The following SLC44A1 variants were observed in gnomAD, a reference collection of about 807,000 sequenced individuals.
The protein encoded by SLC44A1 is choline transporter-like protein 1.
In SLC44A1, 26 loss-of-function variants were observed where a neutral mutation model predicts 79.3. That is an observed-to-expected ratio of 0.33 (90% confidence interval 0.24 to 0.46). SLC44A1 has a LOEUF of 0.46. SLC44A1 is among the 20% of genes least tolerant of loss of function. SLC44A1 has a pLI of 1.00. For synonymous variants in SLC44A1, 263 were observed against 286.2 expected (o/e 0.92, Z 0.82); for missense variants, 688 against 798.1 (o/e 0.86, Z 1.66).
In SLC44A1 at chr9:105,431,317, C is replaced by T. The variant is rs551531413; in HGVS notation, c.1951-6964C>T. Among the ~76,000 whole-genome samples the T allele has an allele frequency of 3.3e-5, 5 of 152,310 alleles. No homozygotes were observed. The South Asian group carries it at 1.0e-3, about 32-fold the overall frequency. On this transcript the variant is annotated intron_variant, in intron 15 of 15. Coordinates refer to the SLC44A1 transcript ENST00000374724. ...TTTGCATGTGGATATCCAGTTGTCC[C>T]ATTTGGACAACAACTATTTTTTTCC...
At position 105,363,015 on chromosome 9, in the gene SLC44A1, G is replaced by T. The variant is rs1564459464; in HGVS notation, c.1087+8G>T. 1 of 1,586,142 alleles carries T rather than the reference G, an allele frequency of 6.3e-7. No homozygotes were observed. The highest frequency in any genetic ancestry group is 1.8e-5 in the Admixed American group (1 of 55,764). ...TTTTTCTTGGCACTACCGGTAAGAA[G>T]ATAAGCTTCTTTCTCTTAGTGACAA... On this transcript the variant is annotated splice_region_variant and intron_variant, in intron 9 of 15. Transcript: ENST00000374720.
intron 15 of SLC44A1, among the ~76,000 whole-genome samples, chr9:105,422,268 C>A (rs1829262423): frequency 6.6e-6 from 1 of 150,594 alleles, no homozygotes; most frequent in Non-Finnish European, 1.5e-5. Context: ...GACCTTGGGC[C>A]TCCTGCTCCA....
intron 3 of SLC44A1, among the ~76,000 whole-genome samples, chr9:105,325,406 A>G (rs1016892070): frequency 6.6e-6 from 1 of 152,250 alleles, no homozygotes; most frequent in Admixed American, 6.5e-5. Context: ...AATACCTGCA[A>G]CTGGGTAATT....
chr9:105,304,776 GTTC>G (rs1340330929), intron 2 of SLC44A1, among the ~76,000 whole-genome samples: 1 of 151,858 alleles, frequency 6.6e-6, no homozygotes, highest in African/African-American at 2.4e-5. Flanking sequence ...CCTTGTCTGT[GTTC>G]TTTTCATTGT....
intron 1 of SLC44A1, among the ~76,000 whole-genome samples, chr9:105,246,658 T>C (rs1162099223): frequency 6.6e-6 from 1 of 152,178 alleles, no homozygotes; most frequent in African/African-American, 2.4e-5. Context: ...CAAAAAGGTG[T>C]TTTTCAGATT....
intron 10 of SLC44A1, among the ~76,000 whole-genome samples, chr9:105,365,052 T>G (rs1187595562): frequency 6.6e-6 from 1 of 152,220 alleles, no homozygotes; most frequent in Non-Finnish European, 1.5e-5. Context: ...ACAAGTCTTT[T>G]TAGTTTGTTT....
At chr9:105,401,883 G>A (rs182030897), downstream of SLC44A1, among the ~76,000 whole-genome samples, 4 of 152,296 alleles carry the variant, frequency 2.6e-5, no homozygotes, top group Admixed American at 1.3e-4. Flanking sequence ...AATGAGGGAC[G>A]CAGAGAGCAG....
rs1588762543 is a variant in SLC44A1, at chr9:105,309,096, A to AT, written c.127-628_127-627insT. ...AGAGCATGGCAGTGCTTCACGATGTAATTCTTTGACTTGTATACAGCTTTA... is the reference window on the plus strand; with the variant it reads ...AGAGCATGGCAGTGCTTCACGATGTATATTCTTTGACTTGTATACAGCTTTA... On this transcript the variant is annotated intron_variant, in intron 2 of 15. Coordinates refer to ENST00000374720, the MANE Select transcript of SLC44A1 (RefSeq NM_080546.5). Among the ~76,000 whole-genome samples, 3 of 152,328 alleles carry AT rather than the reference A, an allele frequency of 2.0e-5. No homozygotes were observed. In the East Asian group the frequency reaches 5.8e-4, roughly 29 times the overall value.
intron 2 of SLC44A1, among the ~76,000 whole-genome samples, chr9:105,307,194 T>C (rs1447443076): frequency 2.0e-5 from 3 of 152,200 alleles, no homozygotes; most frequent in Non-Finnish European, 4.4e-5. Flanking sequence ...AAATAGATGG[T>C]ATTACTCTGT....
intron 3 of SLC44A1, among the ~76,000 whole-genome samples, chr9:105,311,656 G>A (rs184206804): frequency 6.6e-6 from 1 of 152,314 alleles, no homozygotes; most frequent in African/African-American, 2.4e-5. Flanking sequence ...CATTCATACA[G>A]AGGGAAAATA....
intron 1 of SLC44A1, among the ~76,000 whole-genome samples, chr9:105,265,886 T>A (rs983475629): frequency 6.6e-6 from 1 of 152,250 alleles, no homozygotes; most frequent in East Asian, 1.9e-4. Context: ...CATCTTTTCA[T>A]GTACTTATTT....
intron 5 of SLC44A1, among the ~76,000 whole-genome samples, chr9:105,355,146 T>C (rs1248771936): frequency 6.6e-6 from 1 of 152,278 alleles, no homozygotes; most frequent in African/African-American, 2.4e-5. Context: ...TATAAGTGTG[T>C]ATTTATGCAT....
intron 5 of SLC44A1, chr9:105,355,896 G>A (rs1011141052): frequency 3.8e-6 from 1 of 263,632 alleles, no homozygotes; most frequent in South Asian, 8.9e-5. Context: ...GGAGTTTTAA[G>A]TGTTTGGTTT....
chr9:105,329,614 G>T (rs747587785), intron 3 of SLC44A1, among the ~76,000 whole-genome samples: 1 of 152,094 alleles, frequency 6.6e-6, no homozygotes, highest in Non-Finnish European at 1.5e-5. Flanking sequence ...ATTTGAGTAC[G>T]TGTTGCCTAA....
At chr9:105,345,800 T>G (rs7868841) in intron 4 of SLC44A1, among the ~76,000 whole-genome samples, 9,996 of 152,156 alleles carry the variant, frequency 0.066, 1,114 homozygotes, top group African/African-American at 0.23. Flanking sequence ...ATCACTCATT[T>G]TGGTAGTCTT....
chr9:105,315,562 A>C (rs1039365043), intron 3 of SLC44A1, among the ~76,000 whole-genome samples: 3 of 152,146 alleles, frequency 2.0e-5, no homozygotes, highest in Non-Finnish European at 4.4e-5. Flanking sequence ...GATTGTACCA[A>C]TATGAAAACT....
rs553053547 is a variant in SLC44A1 at position 105,264,505 on chromosome 9, TTA to T, written c.36+19602_36+19603del. ...TCATCTTATGACTAAGTGGTTGCTC[TTA>T]ACAGCCGAGTCATGTAGTATTTCAT... On this transcript the variant is annotated intron_variant, in intron 1 of 15. Coordinates refer to ENST00000374720, the MANE Select transcript of SLC44A1 (RefSeq NM_080546.5). Among the ~76,000 whole-genome samples the T allele has an allele frequency of 5.3e-3, 802 of 152,336 alleles. 6 individuals carry two copies. The highest frequency in any genetic ancestry group is 0.019 in the African/African-American group (776 of 41,576).
Position 105,392,803 on chromosome 9 carries a change from G to A in SLC44A1, c.*3747G>A, listed in dbSNP as rs1463530153. On this transcript the variant is annotated 3_prime_UTR_variant, in exon 16 of 16. Coordinates refer to ENST00000374720, the MANE Select transcript of SLC44A1 (RefSeq NM_080546.5). ...CCAGAACTGCCAGTAATGGTGACTT[G>A]AATATTTTATTTGATTTTTGGTCAG... 5.3e-5 allele frequency: 52 copies of A among 985,286 alleles called. No homozygotes were observed. Among genetic ancestry groups the A allele is most frequent in the Non-Finnish European group, 5.7e-5 (47 of 829,934 alleles). The allele number at this position is 985,286 out of a possible 1,614,324, so 61.0% of individuals were successfully genotyped here. A position where few individuals can be genotyped will look rare whatever the true frequency, so the allele number is the denominator to read the frequency against.
chr9:105,272,281 C>T (rs1449365004), intron 1 of SLC44A1, among the ~76,000 whole-genome samples: 1 of 152,034 alleles, frequency 6.6e-6, no homozygotes, highest in Non-Finnish European at 1.5e-5. Flanking sequence ...TATCTCCTAC[C>T]TCACTTTTCC....
Sources: allele counts gnomAD v4.1 joint callset (sites outside exome capture counted in the v4.1 genomes callset), GRCh38; gene constraint gnomAD v4.1.1; transcripts MANE v1.5; gene names NCBI Gene and HGNC (gene_info 2026-07-23, HGNC 2026-07-21).